COG5: variants seen among roughly 807,000 people sequenced by gnomAD.
The protein encoded by COG5 is conserved oligomeric Golgi complex subunit 5.
A neutral mutation model predicts 110.4 loss-of-function variants in COG5; 86 were observed. The ratio of observed to expected loss-of-function variants is 0.78; its 90% CI spans 0.65 to 0.93. The LOEUF (loss-of-function observed/expected upper bound fraction) is 0.93, where lower values mean the gene tolerates loss of function less well. Ranked by LOEUF, COG5 falls within the 40% of genes least tolerant of loss-of-function variation. The pLI is 0.00. For missense variants in COG5, 1,077 were observed against 987.0 expected, an observed-to-expected ratio of 1.09 and a Z score of -1.22; for synonymous variants, 360 against 334.6, an observed-to-expected ratio of 1.08 and a Z score of -0.83.
In COG5 at chr7:107,230,198, A is replaced by G. The variant is rs562050627; in HGVS notation, c.2168+417T>C. On this transcript the variant is annotated intron_variant, in intron 19 of 21. Coordinates refer to ENST00000297135, the MANE Select transcript of COG5 (RefSeq NM_006348.5). ...TTCATTCAATAGTTTTATCATATCC[A>G]TATCTTGGAATGTAACTTATGACCT... is the stretch of plus-strand genomic sequence containing the variant. Among the ~76,000 whole-genome samples the G allele has an allele frequency of 7.4e-4, 113 of 152,236 alleles. 4 individuals carry two copies. In the South Asian group the frequency reaches 0.022, roughly 30 times the overall value.
intron 12 of COG5, among the ~76,000 whole-genome samples, chr7:107,296,616 G>T (rs1229984695): frequency 6.9e-6 from 1 of 145,622 alleles, no homozygotes; most frequent in Non-Finnish European, 1.5e-5. Flanking sequence ...GAGAGACAGG[G>T]TCTCACTATG....
At chr7:107,391,187 G>A (rs533489604) in intron 7 of COG5, among the ~76,000 whole-genome samples, 12 of 152,106 alleles carry the variant, frequency 7.9e-5, no homozygotes, top group African/African-American at 2.2e-4. Context: ...ATAAATGCCC[G>A]GAAGGCCAGC....
At chr7:107,541,745 A>G (rs1410594682) in intron 5 of COG5, among the ~76,000 whole-genome samples, 2 of 151,002 alleles carry the variant, frequency 1.3e-5, no homozygotes, top group Non-Finnish European at 3.0e-5. Flanking sequence ...AGCCTGGCCA[A>G]TATGTTGAAA....
intron 1 of COG5, among the ~76,000 whole-genome samples, chr7:107,561,055 T>A (rs1191028450): frequency 6.6e-6 from 1 of 152,074 alleles, no homozygotes; most frequent in East Asian, 1.9e-4. Flanking sequence ...CAAAAAAGAA[T>A]GGCAAAAGCC....
At chr7:107,510,049 A>G (rs1799378755) in intron 6 of COG5, among the ~76,000 whole-genome samples, 1 of 152,208 alleles carries the variant, frequency 6.6e-6, no homozygotes, top group Non-Finnish European at 1.5e-5. Context: ...ACACATAACA[A>G]TATTAACCTT....
intron 12 of COG5, among the ~76,000 whole-genome samples, chr7:107,288,941 T>G (rs1480551404): frequency 3.0e-4 from 34 of 115,204 alleles, no homozygotes; most frequent in Admixed American, 2.0e-3. Flanking sequence ...TATATATATA[T>G]ATATATATAT....
chr7:107,461,078 T>A (rs538770170), intron 6 of COG5, among the ~76,000 whole-genome samples: 108 of 152,220 alleles, frequency 7.1e-4, no homozygotes, highest in Non-Finnish European at 4.1e-4. Context: ...AAAAAGAACA[T>A]CTTTCAACTC....
chr7:107,496,654 T>G, intron 6 of COG5, among the ~76,000 whole-genome samples: 1 of 138,596 alleles, frequency 7.2e-6, no homozygotes, highest in African/African-American at 2.7e-5. Flanking sequence ...TGAGACTCTG[T>G]CTCAAAAAAA....
chr7:107,380,809 T>C (rs544020981), intron 7 of COG5, among the ~76,000 whole-genome samples: 40 of 152,192 alleles, frequency 2.6e-4, no homozygotes, highest in Middle Eastern at 3.4e-3. Context: ...ACTCATTTTA[T>C]GAGGCCAGCA....
intron 11 of COG5, among the ~76,000 whole-genome samples, chr7:107,309,078 A>G (rs935676671): frequency 6.6e-6 from 1 of 152,028 alleles, no homozygotes; most frequent in African/African-American, 2.4e-5. Flanking sequence ...CTGAATGACA[A>G]TTATTTCTAG....
rs529554743 is a variant in COG5, at chr7:107,349,702, C to T, written c.1026+12331G>A. On this transcript the variant is annotated intron_variant, in intron 10 of 21. Transcript: ENST00000297135. ...CCTCCCAAGTAGCTGGTACTACAGG[C>T]GCCGGCCACCACGCCCGGCTAATTT... 1.2e-4 allele frequency among the ~76,000 whole-genome samples: 18 copies of T among 152,230 alleles called. No individual in the cohort carries two copies. In the East Asian group the frequency reaches 2.9e-3, roughly 25 times the overall value.
intron 6 of COG5, chr7:107,472,010 A>C (rs1796662124): frequency 6.6e-6 from 1 of 152,052 alleles, no homozygotes; most frequent in African/African-American, 2.4e-5. Flanking sequence ...AGGATGTCTA[A>C]ATATATTTTA....
chr7:107,405,264 G>A (rs182846104), intron 7 of COG5, among the ~76,000 whole-genome samples: 76 of 152,234 alleles, frequency 5.0e-4, no homozygotes, highest in Non-Finnish European at 3.1e-4. Flanking sequence ...GATAACAAAT[G>A]TAAAGTGACT....
chr7:107,372,586 C>A lies in COG5; in HGVS notation c.835+9G>T. 6.2e-7 allele frequency: 1 copy of A among 1,612,812 alleles called. No homozygotes were observed. Among genetic ancestry groups the A allele is most frequent in the Non-Finnish European group, 8.5e-7 (1 of 1,179,280 alleles). Reference sequence around the variant, plus strand: ...AAATAAAGAAGCTAAATATAAACCACATCCATACCTCTCACAGCTGACTGG... The same window carrying A: ...AAATAAAGAAGCTAAATATAAACCAAATCCATACCTCTCACAGCTGACTGG... On this transcript the variant is annotated intron_variant, in intron 8 of 21. Transcript: ENST00000297135.
At position 107,372,632 on chromosome 7, in the gene COG5, T is replaced by A. The variant is rs1186831182; in HGVS notation, c.798A>T (p.Ile266=). The change falls in exon 8 of 22, where the codon ATA becomes ATT. Residue 266 remains isoleucine (I), a synonymous_variant. Coordinates refer to ENST00000297135, the MANE Select transcript of COG5 (RefSeq NM_006348.5). ...LEENINSALD[I]KVLTQPSQSA... ...ACTGGGAAGGCTGAGTCAAAACTTT[T>A]ATGTCTAATGCACTGTTGATATTTT... is the stretch of plus-strand genomic sequence containing the variant. 24 of 1,613,604 alleles carry A rather than the reference T, an allele frequency of 1.5e-5. No homozygotes were observed. The Admixed American group carries it at 4.0e-4, about 27-fold the overall frequency.
chr7:107,261,314 TTCTCTCTCTC>T (rs146146553), intron 14 of COG5, among the ~76,000 whole-genome samples: 13 of 149,120 alleles, frequency 8.7e-5, no homozygotes, highest in African/African-American at 3.2e-4. Context: ...ATCATTTGTA[TTCTCTCTCTC>T]TCTCTCTCTC....
intron 19 of COG5, among the ~76,000 whole-genome samples, chr7:107,220,859 C>T (rs1799873142): frequency 6.7e-6 from 1 of 149,518 alleles, no homozygotes; most frequent in Admixed American, 6.6e-5. Flanking sequence ...GCTTTGTCGC[C>T]CAGGCTGGAA....
chr7:107,470,460 T>C (rs565744456), intron 6 of COG5: 7 of 152,296 alleles, frequency 4.6e-5, no homozygotes, highest in Admixed American at 3.3e-4. Flanking sequence ...GATTTGTTCC[T>C]ATTATAGTAT....
chr7:107,351,388 C>T (rs1356063849), intron 10 of COG5, among the ~76,000 whole-genome samples: 2 of 152,172 alleles, frequency 1.3e-5, no homozygotes, highest in South Asian at 2.1e-4. Flanking sequence ...CCATTCAGGA[C>T]ATAGGCATGG....
Sources: allele counts gnomAD v4.1 joint callset (sites outside exome capture counted in the v4.1 genomes callset), GRCh38; gene constraint gnomAD v4.1.1; transcripts MANE v1.5; gene names NCBI Gene and HGNC (gene_info 2026-07-23, HGNC 2026-07-21).